Variants in SGCE observed in about 807,000 individuals in gnomAD.
SGCE encodes sarcoglycan epsilon.
SGCE carries 26 observed loss-of-function variants against 57.8 expected under a neutral mutation model. The ratio of observed to expected loss-of-function variants is 0.45; its 90% confidence interval spans 0.33 to 0.62. SGCE has a LOEUF of 0.62. SGCE is among the 20% of genes least tolerant of loss of function. The pLI, the probability that SGCE is intolerant of heterozygous loss-of-function variation, is 0.02. For missense variants in SGCE, 468 were observed against 548.6 expected, an observed-to-expected ratio of 0.85 and a Z score of 1.47; for synonymous variants, 183 against 189.5, an observed-to-expected ratio of 0.97 and a Z score of 0.28.
chr7:94,655,927 G>C (rs370579836), intron 1 of SGCE, 63 bp downstream of exon 1: 51 of 1,079,228 alleles, frequency 4.7e-5, no homozygotes, highest in Middle Eastern at 2.1e-4. Flanking sequence ...GAACCCGAGC[G>C]GGGGAGGGGG....
At chr7:94,653,615 T>TAA (rs1163399710) in intron 1 of SGCE, among the ~76,000 whole-genome samples, 2 of 152,110 alleles carry the variant, frequency 1.3e-5, no homozygotes, top group African/African-American at 2.4e-5. Flanking sequence ...AGTATTGCTC[T>TAA]ATTAATGTTA....
chr7:94,608,285 G>T (rs1005900269), intron 5 of SGCE, among the ~76,000 whole-genome samples: 2 of 152,130 alleles, frequency 1.3e-5, no homozygotes, highest in Non-Finnish European at 1.5e-5. Flanking sequence ...GCAGTGAGCC[G>T]AGATTGTGCC....
At chr7:94,613,286 T>C (rs974749158) in intron 5 of SGCE, among the ~76,000 whole-genome samples, 1 of 152,234 alleles carries the variant, frequency 6.6e-6, no homozygotes, top group Non-Finnish European at 1.5e-5. Flanking sequence ...GTAATAATAA[T>C]AACTATGCTA....
intron 3 of SGCE, chr7:94,624,458 A>ATT (rs1246449641): frequency 5.4e-6 from 2 of 368,020 alleles, no homozygotes; most frequent in Admixed American, 4.6e-5. Flanking sequence ...TGAAAGGCAT[A>ATT]TTACTCCATA....
chr7:94,592,659 ATAAG>A (rs1157799793), intron 9 of SGCE, among the ~76,000 whole-genome samples: 2 of 152,142 alleles, frequency 1.3e-5, no homozygotes, highest in Admixed American at 6.6e-5. Flanking sequence ...AAATTAATAA[ATAAG>A]TGAGTTGGGG....
intron 2 of SGCE, chr7:94,628,907 C>T (rs1176230711): frequency 6.4e-6 from 1 of 155,824 alleles, no homozygotes; most frequent in African/African-American, 2.4e-5. Context: ...TTTATTAGCA[C>T]ATCCTGGCCC....
chr7:94,589,647 A>T (rs1289782928), intron 9 of SGCE: 1 of 152,502 alleles, frequency 6.6e-6, no homozygotes, highest in African/African-American at 2.4e-5. Flanking sequence ...GCAGCAGTAG[A>T]CGGTCATAGG....
At chr7:94,589,003 AT>A in intron 9 of SGCE, 1 of 441,534 alleles carries the variant, frequency 2.3e-6, no homozygotes. Flanking sequence ...AGGTGTTAAT[AT>A]TTTTCCCATT....
chr7:94,623,842 TAAAC>T, intron 3 of SGCE: 1 of 360,778 alleles, frequency 2.8e-6, no homozygotes, highest in Non-Finnish European at 4.9e-6. Context: ...CATTTAGTAC[TAAAC>T]TGCACCCCAA....
intron 7 of SGCE, chr7:94,600,164 C>T (rs1798989723): frequency 5.5e-6 from 1 of 182,758 alleles, no homozygotes; most frequent in Non-Finnish European, 1.1e-5. Context: ...TCAAATTATA[C>T]CTTATTTTCA....
chr7:94,652,201 G>T (rs965884826), intron 1 of SGCE, among the ~76,000 whole-genome samples: 1 of 152,052 alleles, frequency 6.6e-6, no homozygotes, highest in Admixed American at 6.6e-5. Context: ...AATTTCTAAC[G>T]AACACAGACC....
intron 1 of SGCE, among the ~76,000 whole-genome samples, chr7:94,646,553 T>C (rs2117075110): frequency 6.6e-6 from 1 of 152,322 alleles, no homozygotes; most frequent in East Asian, 1.9e-4. Flanking sequence ...CAATTTAATG[T>C]CCTCACTTGC....
chr7:94,639,516 C>A, intron 1 of SGCE: 2 of 906,220 alleles, frequency 2.2e-6, no homozygotes, highest in South Asian at 1.5e-5. Flanking sequence ...ATGACTGTCA[C>A]AGATCACCTA....
intron 5 of SGCE, among the ~76,000 whole-genome samples, chr7:94,615,594 A>T (rs780918429): frequency 3.3e-5 from 5 of 152,160 alleles, no homozygotes; most frequent in Non-Finnish European, 7.3e-5. Context: ...AAAAGCAGAC[A>T]ATCAGTGGGA....
intron 10 of SGCE, among the ~76,000 whole-genome samples, chr7:94,586,059 A>C (rs1796842617): frequency 8.4e-6 from 1 of 119,386 alleles, no homozygotes; most frequent in Non-Finnish European, 1.8e-5. Context: ...AAGGAACTAA[A>C]TGAAAAAAAA....
At chr7:94,639,368 T>G (rs1349827877) in intron 1 of SGCE, 1 of 1,534,902 alleles carries the variant, frequency 6.5e-7, no homozygotes, top group East Asian at 2.4e-5. Context: ...GCCATTTTTC[T>G]GCTGATAATA....
chr7:94,646,547 T>A (rs972655737), intron 1 of SGCE, among the ~76,000 whole-genome samples: 1 of 152,184 alleles, frequency 6.6e-6, no homozygotes, highest in African/African-American at 2.4e-5. Context: ...CCATTACAAT[T>A]TAATGTCCTC....
chr7:94,630,520 A>G (rs1804532433), intron 1 of SGCE, among the ~76,000 whole-genome samples: 1 of 151,960 alleles, frequency 6.6e-6, no homozygotes, highest in Admixed American at 6.6e-5. Flanking sequence ...TAACAATTAC[A>G]TAATAAAATT....
At chr7:94,605,698 G>A (rs1800008880) in intron 5 of SGCE, among the ~76,000 whole-genome samples, 1 of 151,822 alleles carries the variant, frequency 6.6e-6, no homozygotes, top group Non-Finnish European at 1.5e-5. Flanking sequence ...TAAAAGAGGA[G>A]AGAAAACAAT....
Sources: gnomAD v4.1 joint callset for allele counts (sites outside exome capture counted in the v4.1 genomes callset) on GRCh38, gnomAD v4.1.1 for gene constraint, MANE v1.5 for transcripts, NCBI Gene and HGNC (gene_info 2026-07-23, HGNC 2026-07-21) for gene names.